The following KLHDC1 variants were observed in gnomAD, a reference collection of about 807,000 sequenced individuals.
The protein encoded by KLHDC1 is kelch domain containing 1.
KLHDC1 carries 53 observed loss-of-function variants against 68.3 expected under a neutral mutation model. The ratio of observed to expected loss-of-function variants is 0.78; its 90% confidence interval spans 0.62 to 0.98. KLHDC1 has a LOEUF of 0.98. Among genes scored for constraint, KLHDC1 ranks in the 50% least tolerant of loss-of-function variants. KLHDC1 has a pLI of 0.00. For missense variants in KLHDC1, 470 were observed against 492.3 expected (o/e 0.95, Z 0.43); for synonymous variants, 148 against 159.0 (o/e 0.93, Z 0.52).
At chr14:49,729,412 C>A in intron 7 of KLHDC1, 78 bp from the exon 8 acceptor site, 2 of 875,584 alleles carry the variant, frequency 2.3e-6, no homozygotes, top group Non-Finnish European at 3.8e-6. Flanking sequence ...TATTTTTAAT[C>A]TGAACTTACT....
At chr14:49,699,587 A>G (rs929305677) in intron 1 of KLHDC1, among the ~76,000 whole-genome samples, 6 of 152,222 alleles carry the variant, frequency 3.9e-5, no homozygotes, top group Non-Finnish European at 8.8e-5. Context: ...TCTAGATTAT[A>G]TATTCCAGTC....
At chr14:49,751,489 T>A (rs112257985) in intron 12 of KLHDC1, 97 bp from the exon 13 acceptor site, 1 of 558,700 alleles carries the variant, frequency 1.8e-6, no homozygotes, top group South Asian at 5.8e-5. Flanking sequence ...GAAAGTCCAA[T>A]ACTACAATGT....
chr14:49,753,043 A>G lies in KLHDC1; in HGVS notation c.*1271A>G, dbSNP rs1277719066. The G allele has an allele frequency of 1.3e-5, 2 of 152,094 alleles. No homozygotes were observed. The highest frequency in any genetic ancestry group is 2.4e-5 in the African/African-American group (1 of 41,454). 9.4% of individuals were successfully genotyped at this position (152,094 alleles called of 1,614,324 possible). ...TGTATTTTGGATGTGTAAAGCTTCT[A>G]TGTATTGAAATATTTTTTTACGTTT... On this transcript the variant is annotated 3_prime_UTR_variant, in exon 13 of 13. Transcript: ENST00000359332.
intron 10 of KLHDC1, among the ~76,000 whole-genome samples, chr14:49,737,742 G>A (rs1015979463): frequency 3.3e-5 from 5 of 150,808 alleles, no homozygotes; most frequent in Non-Finnish European, 5.9e-5. Context: ...GCGTGTGCCT[G>A]TAGTTCTAGC....
rs182099786 is a variant in KLHDC1, at chr14:49,707,430, C to T, written c.97-1729C>T. Among the ~76,000 whole-genome samples, 15 of 147,994 alleles carry T rather than the reference C, an allele frequency of 1.0e-4. No individual in the cohort carries two copies. The East Asian group carries it at 2.8e-3, about 27-fold the overall frequency. On this transcript the variant is annotated intron_variant, in intron 1 of 12. Coordinates refer to ENST00000359332, the MANE Select transcript of KLHDC1 (RefSeq NM_172193.3). ...TGGCACAATCTCAGCTCACTGCAGCCTCCACCTCCGGGGTTCAAGCGATTC... is the reference window on the plus strand; with the variant it reads ...TGGCACAATCTCAGCTCACTGCAGCTTCCACCTCCGGGGTTCAAGCGATTC...
intron 1 of KLHDC1, among the ~76,000 whole-genome samples, chr14:49,699,453 C>T (rs1264819235): frequency 1.3e-5 from 2 of 151,294 alleles, no homozygotes; most frequent in African/African-American, 2.4e-5. Context: ...ATGGCATATC[C>T]GGAGAAAAAG....
In KLHDC1 at chr14:49,751,847, G is replaced by T; in HGVS notation, c.*75G>T. On this transcript the variant is annotated 3_prime_UTR_variant, in exon 13 of 13. Transcript: ENST00000359332. ...TATACATTTACACTCCCAAATTGCA[G>T]GCTTTATTTAAAGGATAAAATTTAA... 1 of 653,930 alleles carries T rather than the reference G, an allele frequency of 1.5e-6. No individual in the cohort carries two copies. Among genetic ancestry groups the T allele is most frequent in the Non-Finnish European group, 2.3e-6 (1 of 430,370 alleles). The allele number at this position is 653,930 out of a possible 1,614,324, so 40.5% of individuals were successfully genotyped here.
At chr14:49,740,445 C>T (rs1342926481) in intron 11 of KLHDC1, among the ~76,000 whole-genome samples, 1 of 152,166 alleles carries the variant, frequency 6.6e-6, no homozygotes, top group Admixed American at 6.5e-5. Flanking sequence ...TCACACCATT[C>T]TCCTGCCTCA....
intron 1 of KLHDC1, among the ~76,000 whole-genome samples, 186 bp downstream of exon 1, chr14:49,693,476 C>T (rs1186867674): frequency 6.6e-6 from 1 of 151,840 alleles, no homozygotes; most frequent in Admixed American, 6.6e-5. Flanking sequence ...GTCGTCCCGC[C>T]GTTGCTTCTT....
chr14:49,705,525 C>T (rs1471196283), intron 1 of KLHDC1, among the ~76,000 whole-genome samples: 1 of 151,768 alleles, frequency 6.6e-6, no homozygotes, highest in Non-Finnish European at 1.5e-5. Context: ...CCCGCCACCA[C>T]ACCTGGCTAA....
chr14:49,707,153 T>A (rs1888070144), intron 1 of KLHDC1, among the ~76,000 whole-genome samples: 1 of 152,084 alleles, frequency 6.6e-6, no homozygotes, highest in Non-Finnish European at 1.5e-5. Context: ...TTGATGTGAT[T>A]TTTGTATATG....
chr14:49,735,855 G>GA (rs1888919431), intron 10 of KLHDC1, among the ~76,000 whole-genome samples: 1 of 150,350 alleles, frequency 6.7e-6, no homozygotes, highest in Admixed American at 6.6e-5. Context: ...TACAGTTTTG[G>GA]TTTTTTTTTA....
At chr14:49,750,834 G>A (rs1290541869) in intron 12 of KLHDC1, among the ~76,000 whole-genome samples, 3 of 152,042 alleles carry the variant, frequency 2.0e-5, no homozygotes, top group African/African-American at 4.8e-5. Flanking sequence ...GAACACCCAC[G>A]CCCCCAGAAG....
At chr14:49,742,857 G>A (rs762765551) in intron 11 of KLHDC1, among the ~76,000 whole-genome samples, 24 of 151,898 alleles carry the variant, frequency 1.6e-4, no homozygotes, top group African/African-American at 4.8e-4. Context: ...GGCTGAGGCC[G>A]GCAGACTGCT....
chr14:49,726,107 C>A (rs1888665938), intron 6 of KLHDC1, among the ~76,000 whole-genome samples: 1 of 152,212 alleles, frequency 6.6e-6, no homozygotes. Flanking sequence ...CTTAGCCTTG[C>A]AAAGTGCCCG....
chr14:49,720,158 G>T (rs541457045), intron 4 of KLHDC1, among the ~76,000 whole-genome samples: 1 of 152,206 alleles, frequency 6.6e-6, no homozygotes, highest in Admixed American at 6.5e-5. Flanking sequence ...GGCTAATTTT[G>T]TATTTTTAGT....
At chr14:49,743,898 C>A in intron 12 of KLHDC1, 93 bp downstream of exon 12, 1 of 719,034 alleles carries the variant, frequency 1.4e-6, no homozygotes, top group Non-Finnish European at 2.3e-6. Flanking sequence ...TTTCAGGTTG[C>A]TTATGACATG....
At chr14:49,725,864 T>C (rs1293653050) in intron 6 of KLHDC1, 95 bp downstream of exon 6, 1 of 665,054 alleles carries the variant, frequency 1.5e-6, no homozygotes, top group Non-Finnish European at 2.5e-6. Context: ...TTTTGTGTTT[T>C]TGAGACAAAG....
In KLHDC1 at chr14:49,740,157, A is replaced by G. The variant is rs1174547921; in HGVS notation, c.956A>G (p.Lys319Arg). ...GAAATAATGGTATTTGGTGGGAGCA[A>G]AGATGACTTACTTGCCTTGGATACA... is the stretch of plus-strand genomic sequence containing the variant. ...ENEIMVFGGS[K>R]DDLLALDTGH... Residue 319 changes from lysine to arginine, a missense_variant, in exon 11 of 13, where the codon AAA (lysine) becomes AGA (arginine). Coordinates refer to ENST00000359332, the MANE Select transcript of KLHDC1 (RefSeq NM_172193.3). 5.6e-6 allele frequency: 9 copies of G among 1,609,618 alleles called. No homozygotes were observed. The highest frequency in any genetic ancestry group is 1.7e-5 in the Admixed American group (1 of 59,900).
Sources: allele counts gnomAD v4.1 joint callset (sites outside exome capture counted in the v4.1 genomes callset), GRCh38; gene constraint gnomAD v4.1.1; transcripts MANE v1.5; gene names NCBI Gene and HGNC (gene_info 2026-07-23, HGNC 2026-07-21).